FAXC: variants seen among roughly 807,000 people sequenced by gnomAD.
FAXC encodes the protein failed axon connections homolog, metaxin like GST domain containing.
A neutral mutation model predicts 41.9 loss-of-function variants in FAXC; 10 were observed. The observed-to-expected ratio is 0.24, with a 90% CI of 0.15 to 0.41. FAXC has a LOEUF of 0.41. Among genes scored for constraint, FAXC ranks in the 10% least tolerant of loss-of-function variants. FAXC has a pLI of 1.00. For synonymous variants in FAXC, 183 were observed against 183.8 expected, an observed-to-expected ratio of 1.00 and a Z score of 0.03; for missense variants, 399 against 510.9, an observed-to-expected ratio of 0.78 and a Z score of 2.11.
At chr6:99,287,562 T>C (rs925580587) in intron 5 of FAXC, among the ~76,000 whole-genome samples, 13 of 152,334 alleles carry the variant, frequency 8.5e-5, no homozygotes, top group Admixed American at 7.2e-4. Context: ...TGTGGCTTTA[T>C]AAATAATATG....
chr6:99,310,048 C>T (rs183225340), intron 4 of FAXC: 1 of 201,152 alleles, frequency 5.0e-6, no homozygotes, highest in South Asian at 1.8e-4. Context: ...CAATAACTCA[C>T]TCTCGGAGCT....
At chr6:99,321,268 G>A (rs953818182) in intron 4 of FAXC, among the ~76,000 whole-genome samples, 5 of 152,160 alleles carry the variant, frequency 3.3e-5, no homozygotes, top group East Asian at 1.9e-4. Flanking sequence ...ATCCTGATGA[G>A]TCAGATATAC....
At chr6:99,341,078 T>C (rs559468070) in intron 2 of FAXC, among the ~76,000 whole-genome samples, 1 of 152,274 alleles carries the variant, frequency 6.6e-6, no homozygotes, top group East Asian at 1.9e-4. Flanking sequence ...GTTTGTATTA[T>C]AACAGAATAA....
At chr6:99,336,025 G>A (rs537349077) in intron 2 of FAXC, among the ~76,000 whole-genome samples, 4 of 152,204 alleles carry the variant, frequency 2.6e-5, no homozygotes, top group Non-Finnish European at 5.9e-5. Flanking sequence ...AGATGCCGGT[G>A]ATCTTTTTTT....
At chr6:99,306,079 C>T (rs756922165) in intron 4 of FAXC, among the ~76,000 whole-genome samples, 1 of 151,980 alleles carries the variant, frequency 6.6e-6, no homozygotes, top group Non-Finnish European at 1.5e-5. Flanking sequence ...CAGGGAAGGC[C>T]TCTCTGTGGA....
intron 2 of FAXC, 38 bp downstream of exon 2, chr6:99,342,860 T>G: frequency 6.4e-7 from 1 of 1,563,422 alleles, no homozygotes; most frequent in Non-Finnish European, 8.6e-7. Flanking sequence ...CCCCTGATAC[T>G]GATGTCATAA....
intron 2 of FAXC, among the ~76,000 whole-genome samples, chr6:99,339,925 T>C (rs1773358467): frequency 6.6e-6 from 1 of 152,090 alleles, no homozygotes. Flanking sequence ...TGATAATTAA[T>C]TCTCCAGAAT....
chr6:99,276,032 A>C lies in FAXC; in HGVS notation c.*5132T>G, dbSNP rs776452494. 23 of 152,194 alleles carry C rather than the reference A, an allele frequency of 1.5e-4. No individual in the cohort carries two copies. Among genetic ancestry groups the C allele is most frequent in the Non-Finnish European group, 2.8e-4 (19 of 68,038 alleles). 9.4% of individuals were successfully genotyped at this position (152,194 alleles called of 1,614,324 possible). Reference sequence around the variant, plus strand: ...GAGCCCAGCATTTAGCCTGGGAAGTATTCGTCATTGAGTGTACTTTTATCA... The same window carrying C: ...GAGCCCAGCATTTAGCCTGGGAAGTCTTCGTCATTGAGTGTACTTTTATCA... On this transcript the variant is annotated 3_prime_UTR_variant, in exon 6 of 6. Coordinates refer to ENST00000389677, the MANE Select transcript of FAXC (RefSeq NM_032511.4).
chr6:99,349,168 A>G lies in FAXC; in HGVS notation c.205T>C (p.Leu69=). The part of the protein sequence containing the change: ...SDPWWKKTLY[L]TGGALLAAAA... ...GCGGCCAGCAAAGCTCCCCCGGTCA[A>G]GTAAAGGGTTTTCTTCCACCAGGGA... Residue 69 remains leucine (L), a synonymous_variant, in exon 1 of 6, where the codon TTG becomes CTG. Coordinates refer to ENST00000389677, the MANE Select transcript of FAXC (RefSeq NM_032511.4). The G allele has an allele frequency of 6.2e-7, 1 of 1,613,830 alleles. No individual in the cohort carries two copies. The highest frequency in any genetic ancestry group is 1.1e-5 in the South Asian group (1 of 91,088).
Position 99,285,025 on chromosome 6 carries a change from T to TAA in FAXC, c.941-3574_941-3573dup, listed in dbSNP as rs57078189. Among the ~76,000 whole-genome samples, 136 of 148,148 alleles carry TAA rather than the reference T, an allele frequency of 9.2e-4. 2 individuals are homozygous for TAA. In the East Asian group the frequency reaches 0.012, roughly 13 times the overall value. ...ATAACAGTTTCATCTACTTGACTGGTAAAAAAAAAAAAGTCTGATAACATC... is the reference window on the plus strand; with the variant it reads ...ATAACAGTTTCATCTACTTGACTGGTAAAAAAAAAAAAAAGTCTGATAACATC... On this transcript the variant is annotated intron_variant, in intron 5 of 5. Coordinates refer to ENST00000389677, the MANE Select transcript of FAXC (RefSeq NM_032511.4).
chr6:99,293,389 A>T (rs1771324376), intron 4 of FAXC, among the ~76,000 whole-genome samples: 1 of 152,090 alleles, frequency 6.6e-6, no homozygotes, highest in Non-Finnish European at 1.5e-5. Flanking sequence ...ACTTCTCTCG[A>T]ATCAATTCTA....
chr6:99,349,056 A>G (rs1392038236), intron 1 of FAXC, 51 bp downstream of exon 1: 1 of 1,572,436 alleles, frequency 6.4e-7, no homozygotes, highest in Non-Finnish European at 8.7e-7. Flanking sequence ...GCCCTGCCCT[A>G]GCCAGGTGCC....
At chr6:99,336,637 C>T (rs1231892102) in intron 2 of FAXC, among the ~76,000 whole-genome samples, 1 of 152,162 alleles carries the variant, frequency 6.6e-6, no homozygotes, top group African/African-American at 2.4e-5. Flanking sequence ...GCAGTGAAGG[C>T]CATAGGCTTT....
intron 4 of FAXC, among the ~76,000 whole-genome samples, chr6:99,295,654 A>G (rs1049267404): frequency 2.6e-5 from 4 of 152,194 alleles, no homozygotes; most frequent in African/African-American, 9.7e-5. Context: ...CATATAATAA[A>G]TCCTAATGGT....
intron 3 of FAXC, among the ~76,000 whole-genome samples, chr6:99,330,417 C>G (rs9376088): frequency 0.047 from 7,134 of 152,220 alleles, 540 homozygotes; most frequent in East Asian, 0.39. Context: ...TTTTTAAAAA[C>G]TGTGTTCTTG....
At chr6:99,329,750 T>TGGG (rs1389445843) in intron 3 of FAXC, among the ~76,000 whole-genome samples, 482 of 152,022 alleles carry the variant, frequency 3.2e-3, no homozygotes, top group African/African-American at 0.011. Context: ...TAAGTCAATT[T>TGGG]ATGAAACTAT....
chr6:99,348,063 A>G (rs1773661172), intron 1 of FAXC, among the ~76,000 whole-genome samples: 1 of 152,220 alleles, frequency 6.6e-6, no homozygotes, highest in East Asian at 1.9e-4. Context: ...GGCCATCACA[A>G]TAATCTCCTG....
At chr6:99,298,789 G>T (rs1771590091) in intron 4 of FAXC, among the ~76,000 whole-genome samples, 1 of 152,132 alleles carries the variant, frequency 6.6e-6, no homozygotes, top group Non-Finnish European at 1.5e-5. Flanking sequence ...CAAGCTAGGA[G>T]GTGCTATTCT....
At position 99,333,409 on chromosome 6, in the gene FAXC, G is replaced by A. The variant is rs150908810; in HGVS notation, c.541C>T (p.Pro181Ser). 12 of 1,613,926 alleles carry A rather than the reference G, an allele frequency of 7.4e-6. No individual in the cohort carries two copies. Among genetic ancestry groups the A allele is most frequent in the African/African-American group, 6.7e-5 (5 of 74,902 alleles). ...GCTCTGGAGATGGCTCTTTCATGAG[G>A]GCCAAGGTTTTTGTTTAAATTCACT... is the stretch of plus-strand genomic sequence containing the variant. ...LGVNLNKNLG[P>S]HERAISRAVT... is the part of the protein sequence containing the mutation. Residue 181 changes from proline (P) to serine (S), a missense_variant, in exon 3 of 6, where the codon CCT (proline) becomes TCT (serine). Coordinates refer to ENST00000389677, the MANE Select transcript of FAXC (RefSeq NM_032511.4).
Sources: allele counts gnomAD v4.1 joint callset (sites outside exome capture counted in the v4.1 genomes callset), GRCh38; gene constraint gnomAD v4.1.1; transcripts MANE v1.5; gene names NCBI Gene and HGNC (gene_info 2026-07-23, HGNC 2026-07-21).